Variants in PLCB1 observed in about 807,000 individuals in gnomAD.
PLCB1 encodes the protein 1-phosphatidylinositol 4,5-bisphosphate phosphodiesterase beta-1.
PLCB1 carries 46 observed loss-of-function variants against 161.8 expected under a neutral mutation model. The ratio of observed to expected loss-of-function variants is 0.28; its 90% CI spans 0.22 to 0.36. The LOEUF is 0.36. Ranked by LOEUF, PLCB1 falls within the 10% of genes least tolerant of loss-of-function variation. The pLI is 1.00. For synonymous variants in PLCB1, 517 were observed against 503.7 expected (o/e 1.03, Z -0.35); for missense variants, 1,016 against 1,472.5 (o/e 0.69, Z 5.07).
At chr20:8,367,103 A>G (rs1986734254) in intron 2 of PLCB1, among the ~76,000 whole-genome samples, 1 of 152,218 alleles carries the variant, frequency 6.6e-6, no homozygotes, top group African/African-American at 2.4e-5. Flanking sequence ...GGCATTTGTC[A>G]TTCAATAGTT....
intron 6 of PLCB1, 59 bp downstream of exon 6, chr20:8,648,012 T>C (rs892531304): frequency 8.9e-5 from 111 of 1,240,878 alleles, no homozygotes; most frequent in Non-Finnish European, 1.2e-4. Flanking sequence ...TCTGAATCCA[T>C]GCCATGGCTC....
intron 3 of PLCB1, among the ~76,000 whole-genome samples, chr20:8,453,321 C>T (rs8117365): frequency 0.019 from 2,908 of 152,292 alleles, 89 homozygotes; most frequent in African/African-American, 0.067. Context: ...GAGATGATAA[C>T]AGATGGACCA....
intron 31 of PLCB1, among the ~76,000 whole-genome samples, chr20:8,824,751 TA>T (rs1288838799): frequency 1.3e-5 from 2 of 151,998 alleles, no homozygotes; most frequent in African/African-American, 4.8e-5. Context: ...AGGAACCAAA[TA>T]ATAATAATGC....
At chr20:8,635,237 A>G (rs751738534) in intron 4 of PLCB1, among the ~76,000 whole-genome samples, 80 of 152,206 alleles carry the variant, frequency 5.3e-4, no homozygotes, top group Admixed American at 9.8e-4. Context: ...GGCTCAATAA[A>G]TGCGAGAGGT....
At chr20:8,716,020 T>C in intron 12 of PLCB1, 1 of 440,376 alleles carries the variant, frequency 2.3e-6, no homozygotes, top group East Asian at 3.4e-5. Flanking sequence ...TGCTGTCCCC[T>C]CCACCTATGT....
At chr20:8,271,570 C>CT (rs1159673466) in intron 2 of PLCB1, among the ~76,000 whole-genome samples, 1 of 152,054 alleles carries the variant, frequency 6.6e-6, no homozygotes, top group Non-Finnish European at 1.5e-5. Flanking sequence ...GGAGAAATTT[C>CT]TGCAGAGGCT....
rs140548542 is a variant in PLCB1, at chr20:8,397,914, A to AT, written c.246+26474dup. On this transcript the variant is annotated intron_variant, in intron 3 of 31. Transcript: ENST00000338037. Reference sequence around the variant, plus strand: ...ATTTTTTATTATGCATAAGGCTACAATTTTTTTTTTAAATGCCTTCCTTTA... The same window carrying AT: ...ATTTTTTATTATGCATAAGGCTACAATTTTTTTTTTTAAATGCCTTCCTTTA... Among the ~76,000 whole-genome samples, 416 of 150,046 alleles carry AT rather than the reference A, an allele frequency of 2.8e-3. 2 individuals carry two copies. Among genetic ancestry groups the AT allele is most frequent in the Non-Finnish European group, 2.9e-3 (193 of 67,246 alleles).
At chr20:8,858,397 T>G (rs1987138561) in intron 31 of PLCB1, among the ~76,000 whole-genome samples, 2 of 152,254 alleles carry the variant, frequency 1.3e-5, no homozygotes, top group South Asian at 4.1e-4. Context: ...ACATTTTCTT[T>G]TGGCAGTAGA....
intron 3 of PLCB1, among the ~76,000 whole-genome samples, chr20:8,390,067 C>G (rs1600367690): frequency 6.6e-6 from 1 of 152,184 alleles, no homozygotes; most frequent in Middle Eastern, 3.4e-3. Context: ...TAAACTTGAC[C>G]ACTATACTTA....
intron 31 of PLCB1, among the ~76,000 whole-genome samples, chr20:8,862,115 G>A (rs374943567): frequency 3.9e-4 from 60 of 152,226 alleles, no homozygotes; most frequent in South Asian, 3.1e-3. Flanking sequence ...ACTGAATACA[G>A]CACAGTAATA....
intron 10 of PLCB1, among the ~76,000 whole-genome samples, chr20:8,691,823 G>A (rs1448976423): frequency 6.6e-6 from 1 of 152,088 alleles, no homozygotes; most frequent in Non-Finnish European, 1.5e-5. Context: ...TGAATGAGTG[G>A]TTTTTAATTA....
chr20:8,157,897 T>G (rs2051578714), intron 2 of PLCB1, among the ~76,000 whole-genome samples: 1 of 152,236 alleles, frequency 6.6e-6, no homozygotes, highest in Non-Finnish European at 1.5e-5. Context: ...ACAGCAATGC[T>G]TGTTTTAATA....
intron 3 of PLCB1, among the ~76,000 whole-genome samples, chr20:8,581,753 T>G (rs1986839632): frequency 6.6e-6 from 1 of 152,138 alleles, no homozygotes; most frequent in African/African-American, 2.4e-5. Flanking sequence ...TGCTATACCT[T>G]ACCACCTGCA....
intron 10 of PLCB1, among the ~76,000 whole-genome samples, chr20:8,693,447 A>G (rs1339074553): frequency 6.6e-6 from 1 of 152,166 alleles, no homozygotes; most frequent in African/African-American, 2.4e-5. Flanking sequence ...GGTCAAGACA[A>G]ATAATACATT....
rs1978830458 is a variant in PLCB1 at position 8,708,741 on chromosome 20, C to T, written c.1239C>T (p.Asn413=). The change falls in exon 12 of 32, where the codon AAC becomes AAT. Residue 413 remains asparagine (N), a synonymous_variant. Transcript: ENST00000338037. ...TTCCAATTCTCCTTTCGTTTGAGAA[C>T]CATGTGGATTCGTAAGTATTCAACA... The part of the protein sequence containing the change: ...SPFPILLSFE[N]HVDSPKQQAK... 6.2e-7 allele frequency: 1 copy of T among 1,607,754 alleles called. No homozygotes were observed. The highest frequency in any genetic ancestry group is 8.5e-7 in the Non-Finnish European group (1 of 1,174,382).
At chr20:8,573,676 G>A (rs1036654735) in intron 3 of PLCB1, among the ~76,000 whole-genome samples, 2 of 152,130 alleles carry the variant, frequency 1.3e-5, no homozygotes. Context: ...AATGACTTTG[G>A]CTTTCACTTT....
At chr20:8,343,572 A>G (rs1031217385) in intron 2 of PLCB1, among the ~76,000 whole-genome samples, 2 of 152,184 alleles carry the variant, frequency 1.3e-5, no homozygotes, top group African/African-American at 2.4e-5. Flanking sequence ...AAAAATAATT[A>G]CTTTGTACAT....
At chr20:8,392,291 A>C (rs1238581741) in intron 3 of PLCB1, among the ~76,000 whole-genome samples, 1 of 152,034 alleles carries the variant, frequency 6.6e-6, no homozygotes, top group East Asian at 1.9e-4. Context: ...CCACCTTGAA[A>C]CAGAGAGCAT....
chr20:8,574,888 A>G (rs760269948), intron 3 of PLCB1, among the ~76,000 whole-genome samples: 1 of 148,860 alleles, frequency 6.7e-6, no homozygotes, highest in Admixed American at 6.6e-5. Context: ...ATAAAGGCTG[A>G]TAGTTAGAAG....
Sources: allele counts gnomAD v4.1 joint callset (sites outside exome capture counted in the v4.1 genomes callset), GRCh38; gene constraint gnomAD v4.1.1; transcripts MANE v1.5; gene names NCBI Gene and HGNC (gene_info 2026-07-23, HGNC 2026-07-21).